The following CPO variants were observed in gnomAD, a reference collection of about 807,000 sequenced individuals.
The protein encoded by CPO is carboxypeptidase O, also known as metallocarboxypeptidase C.
CPO carries 43 observed loss-of-function variants against 41.2 expected under a neutral mutation model. The ratio of observed to expected loss-of-function variants is 1.04; its 90% CI spans 0.82 to 1.35. The LOEUF is 1.35. CPO is among the 40% of genes most tolerant of loss of function. The pLI is 0.00. For missense variants in CPO, 408 were observed against 451.7 expected (o/e 0.90, Z 0.88); for synonymous variants, 178 against 162.7 (o/e 1.09, Z -0.72).
chr2:206,964,034 T>C (rs112080074), intron 7 of CPO, among the ~76,000 whole-genome samples: 101 of 152,360 alleles, frequency 6.6e-4, no homozygotes, highest in Admixed American at 2.5e-3. Flanking sequence ...TTAAACATGC[T>C]CCTCTTTCTA....
intron 1 of CPO, among the ~76,000 whole-genome samples, chr2:206,940,409 A>T (rs1693007018): frequency 6.6e-6 from 1 of 152,088 alleles, no homozygotes; most frequent in Non-Finnish European, 1.5e-5. Flanking sequence ...TTCCAATAAC[A>T]GTGTATGAAA....
intron 6 of CPO, 95 bp from the exon 7 acceptor site, chr2:206,962,317 A>T: frequency 2.8e-6 from 3 of 1,070,966 alleles, no homozygotes; most frequent in Non-Finnish European, 4.3e-6. Flanking sequence ...CGCTGATTCT[A>T]CTCACAGAGG....
At chr2:206,948,515 G>A (rs977491176) in intron 1 of CPO, among the ~76,000 whole-genome samples, 5 of 152,188 alleles carry the variant, frequency 3.3e-5, no homozygotes, top group South Asian at 2.1e-4. Flanking sequence ...TACAATCCCA[G>A]CACTTTAGGA....
intron 8 of CPO, 82 bp downstream of exon 8, chr2:206,968,429 G>C: frequency 1.2e-6 from 1 of 802,360 alleles, no homozygotes; most frequent in Non-Finnish European, 2.2e-6. Context: ...ATAGGCGGGA[G>C]AGGAACAGAA....
At chr2:206,946,823 G>T (rs2105819687) in intron 1 of CPO, among the ~76,000 whole-genome samples, 1 of 152,102 alleles carries the variant, frequency 6.6e-6, no homozygotes, top group East Asian at 1.9e-4. Context: ...CAATGGACAA[G>T]TAAAATATGA....
rs1218166720 is a variant in CPO at position 206,939,619 on chromosome 2, C to T, written c.20C>T (p.Thr7Ile). 1.2e-6 allele frequency: 2 copies of T among 1,611,156 alleles called. No homozygotes were observed. The highest frequency in any genetic ancestry group is 2.7e-5 in the African/African-American group (2 of 74,774). The change falls in exon 1 of 9, where the codon ACC (threonine) becomes ATC (isoleucine). Residue 7 changes from threonine to isoleucine, a missense_variant. Coordinates refer to ENST00000272852, the MANE Select transcript of CPO (RefSeq NM_173077.3). ...GGCAGAATGAAGCCTCTGCTTGAAACCCTTTATCTTTTGGGGATGCTGGTT... is the reference window on the plus strand; with the variant it reads ...GGCAGAATGAAGCCTCTGCTTGAAATCCTTTATCTTTTGGGGATGCTGGTT... MKPLLETLYLLGMLVPG... is the reference protein window; with the variant it reads MKPLLEILYLLGMLVPG...
At chr2:206,968,403 G>A (rs1355053969) in intron 8 of CPO, 56 bp downstream of exon 8, 3 of 991,712 alleles carry the variant, frequency 3.0e-6, no homozygotes, top group Non-Finnish European at 4.8e-6. Flanking sequence ...GAAGTCAGTG[G>A]ACTTTGGATG....
chr2:206,941,123 G>A (rs1002708436), intron 1 of CPO, among the ~76,000 whole-genome samples: 1 of 151,800 alleles, frequency 6.6e-6, no homozygotes, highest in Non-Finnish European at 1.5e-5. Context: ...TCCTGCCTCT[G>A]GACATCTATA....
At chr2:206,951,124 C>A (rs1182542628) in intron 2 of CPO, among the ~76,000 whole-genome samples, 1 of 151,676 alleles carries the variant, frequency 6.6e-6, no homozygotes, top group East Asian at 1.9e-4. Context: ...CTTGCATGTA[C>A]CTTTTAAGTA....
At chr2:206,966,964 A>G (rs149075743) in intron 7 of CPO, among the ~76,000 whole-genome samples, 70 of 152,274 alleles carry the variant, frequency 4.6e-4, no homozygotes, top group African/African-American at 1.6e-3. Context: ...CAGCTGGACA[A>G]TACAGAGCTG....
intron 7 of CPO, among the ~76,000 whole-genome samples, chr2:206,964,369 A>G (rs1399002267): frequency 6.6e-6 from 1 of 152,246 alleles, no homozygotes; most frequent in East Asian, 1.9e-4. Context: ...TACAATTTAC[A>G]GAGAGATTTA....
At chr2:206,944,919 G>T (rs1693115385) in intron 1 of CPO, among the ~76,000 whole-genome samples, 1 of 151,970 alleles carries the variant, frequency 6.6e-6, no homozygotes, top group African/African-American at 2.4e-5. Context: ...TTTGTAGTTT[G>T]GCATTGTTTG....
At chr2:206,952,238 G>A (rs185526335) in intron 2 of CPO, among the ~76,000 whole-genome samples, 1 of 151,868 alleles carries the variant, frequency 6.6e-6, no homozygotes, top group East Asian at 1.9e-4. Context: ...TCAGCCTCCT[G>A]AGTAGCTGAG....
intron 1 of CPO, among the ~76,000 whole-genome samples, chr2:206,948,278 A>C (rs1693183727): frequency 6.6e-6 from 1 of 152,246 alleles, no homozygotes; most frequent in African/African-American, 2.4e-5. Context: ...AGCCATGACA[A>C]GACATGGAGG....
intron 2 of CPO, 37 bp downstream of exon 2, chr2:206,949,750 C>A: frequency 3.8e-6 from 5 of 1,326,856 alleles, no homozygotes; most frequent in South Asian, 1.2e-5. Context: ...TGGTGGTTGT[C>A]ACAACCTACT....
At chr2:206,952,626 A>G (rs913329274) in intron 2 of CPO, among the ~76,000 whole-genome samples, 1 of 152,200 alleles carries the variant, frequency 6.6e-6, no homozygotes, top group Non-Finnish European at 1.5e-5. Context: ...TTGTAATTAA[A>G]TCAGCTGCTA....
rs529761593 is a variant in CPO, at chr2:206,958,409, A to C, written c.372+4A>C. 1.2e-5 allele frequency: 18 copies of C among 1,531,456 alleles called. No individual in the cohort carries two copies. In the African/African-American group the frequency reaches 1.2e-4, roughly 10 times the overall value. The allele number at this position is 1,531,456 out of a possible 1,614,324, so 94.9% of individuals were successfully genotyped here. ...TTGCCAATGGTTCGTCAAAGAAGTA[A>C]GTGTCTTTAGCTTTCTCATACTGGT... On this transcript the variant is annotated splice_donor_region_variant and intron_variant, in intron 4 of 8. Transcript: ENST00000272852.
intron 7 of CPO, among the ~76,000 whole-genome samples, chr2:206,966,320 C>T (rs1181520398): frequency 6.6e-6 from 1 of 151,790 alleles, no homozygotes; most frequent in East Asian, 1.9e-4. Context: ...AGGTAAGGCC[C>T]CACATGGACC....
Position 206,948,352 on chromosome 2 carries a change from C to T in CPO, c.69-1265C>T, listed in dbSNP as rs752279800. 4.6e-5 allele frequency among the ~76,000 whole-genome samples: 7 copies of T among 152,096 alleles called. No homozygotes were observed. In the South Asian group the frequency reaches 6.2e-4, roughly 14 times the overall value. On this transcript the variant is annotated intron_variant, in intron 1 of 8. Coordinates refer to ENST00000272852, the MANE Select transcript of CPO (RefSeq NM_173077.3). Reference sequence around the variant, plus strand: ...TGAAAATGTTGCATACTGTATGAGTCCAACTATGTTACATTCTGAAAAGAC... The same window carrying T: ...TGAAAATGTTGCATACTGTATGAGTTCAACTATGTTACATTCTGAAAAGAC...
Sources: allele counts gnomAD v4.1 joint callset (sites outside exome capture counted in the v4.1 genomes callset), GRCh38; gene constraint gnomAD v4.1.1; transcripts MANE v1.5; gene names NCBI Gene and HGNC (gene_info 2026-07-23, HGNC 2026-07-21).